HS6ST1: variants seen among roughly 807,000 people sequenced by gnomAD.
HS6ST1 encodes heparan sulfate 6-O-sulfotransferase 1, also known as heparan-sulfate 6-O-sulfotransferase 1.
A neutral mutation model predicts 25.2 loss-of-function variants in HS6ST1; 3 were observed. The observed-to-expected ratio is 0.12, with a 90% CI of 0.05 to 0.31. The LOEUF (loss-of-function observed/expected upper bound fraction) is 0.31, where lower values mean the gene tolerates loss of function less well. Among genes scored for constraint, HS6ST1 ranks in the 10% least tolerant of loss-of-function variants. HS6ST1 has a pLI of 1.00. For synonymous variants in HS6ST1, 204 were observed against 275.1 expected (o/e 0.74, Z 2.56); for missense variants, 310 against 609.6 (o/e 0.51, Z 5.18).
At chr2:128,279,303 T>TG (rs1421590566) in intron 1 of HS6ST1, among the ~76,000 whole-genome samples, 6 of 151,020 alleles carry the variant, frequency 4.0e-5, no homozygotes, top group Non-Finnish European at 7.4e-5. Context: ...GTGAGGACGC[T>TG]GTCATTTAGA....
chr2:128,317,795 A>G (rs1451822098), intron 1 of HS6ST1, among the ~76,000 whole-genome samples: 2 of 152,138 alleles, frequency 1.3e-5, no homozygotes, highest in African/African-American at 4.8e-5. Context: ...AGCCGGCAGT[A>G]GGGCAGCACA....
rs909988790 is a variant in HS6ST1, at chr2:128,265,686, G to A, written c.*2476C>T. 3 of 152,000 alleles carry A rather than the reference G, an allele frequency of 2.0e-5. No homozygotes were observed. The highest frequency in any genetic ancestry group is 2.9e-5 in the Non-Finnish European group (2 of 68,004). 9.4% of individuals were successfully genotyped at this position (152,000 alleles called of 1,614,324 possible). On this transcript the variant is annotated 3_prime_UTR_variant, in exon 2 of 2. Transcript: ENST00000259241. ...TTCAAGTTAAACAGTTCCAGTTCCC[G>A]AAAAGTTCACAGCCTTGTTTTGTGG...
intron 1 of HS6ST1, among the ~76,000 whole-genome samples, chr2:128,288,223 AG>A (rs945975269): frequency 2.0e-5 from 3 of 152,096 alleles, no homozygotes; most frequent in African/African-American, 7.2e-5. Flanking sequence ...TCTTCCTTAC[AG>A]CCTGTAACTA....
intron 1 of HS6ST1, among the ~76,000 whole-genome samples, chr2:128,299,089 G>A (rs959538366): frequency 6.6e-5 from 10 of 152,254 alleles, no homozygotes; most frequent in African/African-American, 2.2e-4. Flanking sequence ...ACACCTGGAC[G>A]TGGCCCAGGG....
intron 1 of HS6ST1, among the ~76,000 whole-genome samples, chr2:128,284,519 T>TTTTTTTTTTTTC (rs1693833843): frequency 6.6e-6 from 1 of 151,448 alleles, no homozygotes; most frequent in Non-Finnish European, 1.5e-5. Flanking sequence ...TTTTTTTTTT[T>TTTTTTTTTTTTC]GAGACGGAGT....
intron 1 of HS6ST1, among the ~76,000 whole-genome samples, chr2:128,296,132 T>C (rs1218239835): frequency 6.6e-6 from 1 of 152,208 alleles, no homozygotes; most frequent in Non-Finnish European, 1.5e-5. Flanking sequence ...GGCTCCTTCA[T>C]CTGGGACTTG....
At chr2:128,294,030 G>T (rs781212348) in intron 1 of HS6ST1, among the ~76,000 whole-genome samples, 1 of 152,190 alleles carries the variant, frequency 6.6e-6, no homozygotes, top group Non-Finnish European at 1.5e-5. Flanking sequence ...AGTAGGCTTG[G>T]CTCTGTACCT....
chr2:128,287,528 G>A (rs374692904), intron 1 of HS6ST1, among the ~76,000 whole-genome samples: 1 of 152,192 alleles, frequency 6.6e-6, no homozygotes, highest in African/African-American at 2.4e-5. Context: ...GTGACTTCTG[G>A]AGGTCCTAGA....
At chr2:128,305,331 T>C (rs1280411506) in intron 1 of HS6ST1, among the ~76,000 whole-genome samples, 1 of 152,210 alleles carries the variant, frequency 6.6e-6, no homozygotes, top group Non-Finnish European at 1.5e-5. Context: ...ATGGGCCTGC[T>C]TGGACAGTTT....
chr2:128,284,548 C>A (rs1693834368), intron 1 of HS6ST1, among the ~76,000 whole-genome samples: 1 of 132,510 alleles, frequency 7.5e-6, no homozygotes, highest in African/African-American at 2.9e-5. Flanking sequence ...GTCGCCCAGG[C>A]TGGAATGCAG....
At chr2:128,300,427 C>G (rs903271054) in intron 1 of HS6ST1, among the ~76,000 whole-genome samples, 17 of 152,214 alleles carry the variant, frequency 1.1e-4, no homozygotes, top group Admixed American at 1.1e-3. Context: ...CGCCTGCCCC[C>G]AGCCCTGCAC....
intron 1 of HS6ST1, among the ~76,000 whole-genome samples, chr2:128,283,852 T>C (rs932648794): frequency 2.0e-5 from 3 of 152,112 alleles, no homozygotes; most frequent in African/African-American, 7.2e-5. Flanking sequence ...TGCCGAAACA[T>C]CTCTCCCACT....
chr2:128,313,448 A>T (rs1694319651), intron 1 of HS6ST1, among the ~76,000 whole-genome samples: 1 of 152,188 alleles, frequency 6.6e-6, no homozygotes, highest in Non-Finnish European at 1.5e-5. Flanking sequence ...TGATGGCTTC[A>T]ATTACAGTGG....
chr2:128,315,750 C>A (rs1257117745), intron 1 of HS6ST1, among the ~76,000 whole-genome samples: 1 of 152,204 alleles, frequency 6.6e-6, no homozygotes, highest in Non-Finnish European at 1.5e-5. Context: ...CGGGGCAGCG[C>A]TCAGCAGGTG....
intron 1 of HS6ST1, among the ~76,000 whole-genome samples, chr2:128,291,395 G>C (rs1693950599): frequency 2.0e-5 from 3 of 152,274 alleles, no homozygotes; most frequent in South Asian, 4.1e-4. Context: ...CTGGAGGTTT[G>C]GGGCGGCCAT....
In HS6ST1 at chr2:128,267,821, C is replaced by T. The variant is rs570200930; in HGVS notation, c.*341G>A. 78 of 407,936 alleles carry T rather than the reference C, an allele frequency of 1.9e-4. No homozygotes were observed. Among genetic ancestry groups the T allele is most frequent in the East Asian group, 6.9e-4 (15 of 21,712 alleles). The allele number at this position is 407,936 out of a possible 1,614,324, so 25.3% of individuals were successfully genotyped here. A position where few individuals can be genotyped will look rare whatever the true frequency, so the allele number is the denominator to read the frequency against. On this transcript the variant is annotated 3_prime_UTR_variant, in exon 2 of 2. Transcript: ENST00000259241. ...CTCCCGGCCTGGCAGGTCCACTTTC[C>T]GCTGTCCTCGTCTCTTGCGCAAACC...
intron 1 of HS6ST1, among the ~76,000 whole-genome samples, chr2:128,274,919 A>G (rs941796540): frequency 7.3e-6 from 1 of 137,724 alleles, no homozygotes. Context: ...TAGAGGCTGC[A>G]GTGAGCTGAG....
At position 128,288,748 on chromosome 2, in the gene HS6ST1, T is replaced by A. The variant is rs1425689169; in HGVS notation, c.528-19878A>T. Among the ~76,000 whole-genome samples the A allele has an allele frequency of 2.6e-5, 4 of 152,160 alleles. No individual in the cohort carries two copies. The East Asian group carries it at 5.8e-4, about 22-fold the overall frequency. On this transcript the variant is annotated intron_variant, in intron 1 of 1. Coordinates refer to ENST00000259241, the MANE Select transcript of HS6ST1 (RefSeq NM_004807.3). ...AGGAGGTAGGAGAGTCAGGGAGGCCTGGGAGGCTCAGGGCCTCCCCAGCAG... is the reference window on the plus strand; with the variant it reads ...AGGAGGTAGGAGAGTCAGGGAGGCCAGGGAGGCTCAGGGCCTCCCCAGCAG...
intron 1 of HS6ST1, among the ~76,000 whole-genome samples, chr2:128,297,945 G>T (rs1400200816): frequency 6.6e-6 from 1 of 152,160 alleles, no homozygotes; most frequent in Non-Finnish European, 1.5e-5. Context: ...TCATATATCT[G>T]ATAAGAGATT....
Sources: gnomAD v4.1 joint callset for allele counts (sites outside exome capture counted in the v4.1 genomes callset) on GRCh38, gnomAD v4.1.1 for gene constraint, MANE v1.5 for transcripts, NCBI Gene and HGNC (gene_info 2026-07-23, HGNC 2026-07-21) for gene names.